PLAGL2: variants seen among roughly 807,000 people sequenced by gnomAD.
The protein encoded by PLAGL2 is zinc finger protein PLAGL2.
PLAGL2 carries 7 observed loss-of-function variants against 29.0 expected under a neutral mutation model. That is an observed-to-expected ratio of 0.24 (90% CI 0.14 to 0.45). The LOEUF (loss-of-function observed/expected upper bound fraction) is 0.45. PLAGL2 is among the 20% of genes least tolerant of loss of function. The probability of loss-of-function intolerance (pLI) is 0.99; values close to 1 mark genes in which losing one functional copy is unlikely to be tolerated. For synonymous variants in PLAGL2, 234 were observed against 266.0 expected (o/e 0.88, Z 1.17); for missense variants, 454 against 648.2 (o/e 0.70, Z 3.25).
chr20:32,201,820 C>A (rs1277259344), intron 2 of PLAGL2, 99 bp downstream of exon 2: 3 of 992,306 alleles, frequency 3.0e-6, no homozygotes, highest in African/African-American at 3.2e-5. Context: ...TTAACCTCCA[C>A]TCTTCTGCCA....
chr20:32,197,096 C>G lies in PLAGL2; in HGVS notation c.847G>C (p.Val283Leu). ...CCAGGGAAGGCCTTGGTCCCCATTA[C>G]GTCCCGAGAGGCCATGCACAGCACA... The part of the protein sequence containing the change: ...SPVLCMASRD[V>L]MGTKAFPGML... Residue 283 changes from valine (V) to leucine (L), a missense_variant, in exon 3 of 3, where the codon GTA (valine) becomes CTA (leucine). By Grantham distance (32) the Val-to-Leu change is conservative (BLOSUM62 1). Transcript: ENST00000246229. The surrounding 1 kb of genome is among the most constrained non-coding windows in gnomAD (Gnocchi z 6.6). The G allele has an allele frequency of 6.2e-7, 1 of 1,614,200 alleles. No individual in the cohort carries two copies. The highest frequency in any genetic ancestry group is 8.5e-7 in the Non-Finnish European group (1 of 1,180,026).
rs2047226518 is a variant in PLAGL2, at chr20:32,196,144, G to C, written c.*308C>G. 4.8e-6 allele frequency: 1 copy of C among 206,436 alleles called. No homozygotes were observed. The highest frequency in any genetic ancestry group is 9.5e-6 in the Non-Finnish European group (1 of 104,770). 12.8% of individuals were successfully genotyped at this position (206,436 alleles called of 1,614,324 possible). On this transcript the variant is annotated 3_prime_UTR_variant, in exon 3 of 3. Transcript: ENST00000246229. The stretch of plus-strand genomic sequence containing the variant: ...GGCCTCCCCATTCTCCAAAGAGAAG[G>C]AGGTTCTGGCGCTTTGGAGAGGAAG...
chr20:32,197,749 A>G lies in PLAGL2; in HGVS notation c.261-67T>C. 1 of 1,346,728 alleles carries G rather than the reference A, an allele frequency of 7.4e-7. No homozygotes were observed. The highest frequency in any genetic ancestry group is 2.0e-5 in the Admixed American group (1 of 49,712). The allele number at this position is 1,346,728 out of a possible 1,614,324, so 83.4% of individuals were successfully genotyped here. On this transcript the variant is annotated intron_variant, in intron 2 of 2. Transcript: ENST00000246229. This position sits in a 1 kb window ranked among gnomAD's most constrained non-coding sequence, Gnocchi z 6.6. ...GGGAGATCACAAGGGATGACTGGAC[A>G]ACCAAAGGTGTCCATTAACAGGAAA...
rs1341476064 is a variant in PLAGL2, at chr20:32,193,561, AT to A, written c.*2890del. 2 of 152,296 alleles carry A rather than the reference AT, an allele frequency of 1.3e-5. No individual in the cohort carries two copies. The highest frequency in any genetic ancestry group is 1.5e-5 in the Non-Finnish European group (1 of 68,172). 9.4% of individuals were successfully genotyped at this position (152,296 alleles called of 1,614,324 possible). On this transcript the variant is annotated 3_prime_UTR_variant, in exon 3 of 3. Transcript: ENST00000246229. ...GTGTAGGGTGGGAGGGGGACAGCTC[AT>A]TGCTGGCAGAGGCTGGAGGTGGCAG...
Position 32,202,275 on chromosome 20 carries a change from AG to A in PLAGL2, c.-98del. 1 of 1,262,378 alleles carries A rather than the reference AG, an allele frequency of 7.9e-7. No individual in the cohort carries two copies. The highest frequency in any genetic ancestry group is 1.1e-6 in the Non-Finnish European group (1 of 895,186). The allele number at this position is 1,262,378 out of a possible 1,614,324, so 78.2% of individuals were successfully genotyped here. A position where few individuals can be genotyped will look rare whatever the true frequency, so the allele number is the denominator to read the frequency against. On this transcript the variant is annotated 5_prime_UTR_variant, in exon 2 of 3. An upstream open reading frame in the 5' UTR loses its in-frame stop. Coordinates refer to ENST00000246229, the MANE Select transcript of PLAGL2 (RefSeq NM_002657.3). ...TGTCACAGCCTCCAACGCAGCTTTC[AG>A]AAAACAATCTCTTCACCTGAAACAT...
At position 32,196,582 on chromosome 20, in the gene PLAGL2, T is replaced by C; in HGVS notation, c.1361A>G (p.Gln454Arg). 6.5e-7 allele frequency: 1 copy of C among 1,543,130 alleles called. No individual in the cohort carries two copies. Among genetic ancestry groups the C allele is most frequent in the East Asian group, 2.2e-5 (1 of 44,490 alleles). ...AEAQPLLTTLQAQPQDSPGAG... is the reference protein window; with the variant it reads ...AEAQPLLTTLRAQPQDSPGAG... Reference sequence around the variant, plus strand: ...TCCTGGGGAATCTTGAGGCTGAGCTTGCAAAGTGGTAAGCAGGGGCTGTGC... The same window carrying C: ...TCCTGGGGAATCTTGAGGCTGAGCTCGCAAAGTGGTAAGCAGGGGCTGTGC... Residue 454 changes from glutamine to arginine, a missense_variant, in exon 3 of 3, where the codon CAA becomes CGA. This residue lies in a region of PLAGL2 where 247 missense variants were observed against 350.3 expected (regional missense o/e 0.71). Transcript: ENST00000246229.
At position 32,197,153 on chromosome 20, in the gene PLAGL2, A is replaced by G. The variant is rs138589727; in HGVS notation, c.790T>C (p.Ser264Pro). 3.1e-6 allele frequency: 5 copies of G among 1,614,062 alleles called. No individual in the cohort carries two copies. The highest frequency in any genetic ancestry group is 4.2e-6 in the Non-Finnish European group (5 of 1,180,026). Residue 264 changes from serine (S) to proline (P), a missense_variant, in exon 3 of 3, where the codon TCC becomes CCC. Ser to Pro is a moderately conservative substitution (Grantham distance 74). Around this residue, in one of 4 missense-constraint regions of PLAGL2, gnomAD observed 247 missense variants for 350.3 expected, o/e 0.71. Coordinates refer to ENST00000246229, the MANE Select transcript of PLAGL2 (RefSeq NM_002657.3). The surrounding 1 kb of genome is among the most constrained non-coding windows in gnomAD (Gnocchi z 6.6). ...VDMLGLLSCS[S>P]TVSVKEELSP... is the part of the protein sequence containing the mutation. The stretch of plus-strand genomic sequence containing the variant: ...AGCTCTTCCTTCACACTGACTGTGG[A>G]GCTGCAGCTGAGTAGGCCTAACATG...
chr20:32,202,364 C>G (rs1159122619), intron 1 of PLAGL2, 72 bp from the exon 2 acceptor site: 30 of 609,926 alleles, frequency 4.9e-5, no homozygotes, highest in East Asian at 2.8e-5. Context: ...GCAGACAGAT[C>G]CCGTTCCAAT....
rs374989039 is a variant in PLAGL2 at position 32,197,636 on chromosome 20, A to G, written c.307T>C (p.Cys103Arg). The change falls in exon 3 of 3, where the codon TGT (cysteine) becomes CGT (arginine). Residue 103 changes from cysteine to arginine, a missense_variant. Coordinates refer to ENST00000246229, the MANE Select transcript of PLAGL2 (RefSeq NM_002657.3). This position sits in a 1 kb window ranked among gnomAD's most constrained non-coding sequence, Gnocchi z 6.6. ...SAQKPHQCMY[C>R]DKMFHRKDHL... ...TCCTTGCGGTGAAACATCTTATCAC[A>G]GTACATACACTGGTGGGGTTTCTGG... is the stretch of plus-strand genomic sequence containing the variant. 3.1e-6 allele frequency: 5 copies of G among 1,614,064 alleles called. No homozygotes were observed. Among genetic ancestry groups the G allele is most frequent in the Non-Finnish European group, 3.4e-6 (4 of 1,180,024 alleles).
rs2047236565 is a variant in PLAGL2, at chr20:32,197,488, C to T, written c.455G>A (p.Ser152Asn). The change falls in exon 3 of 3, where the codon AGC becomes AAC. Residue 152 changes from serine to asparagine, a missense_variant. By Grantham distance (46) the Ser-to-Asn change is conservative. Coordinates refer to ENST00000246229, the MANE Select transcript of PLAGL2 (RefSeq NM_002657.3). This position sits in a 1 kb window ranked among gnomAD's most constrained non-coding sequence, Gnocchi z 6.6. ...CACCTTGCAGCTGAGGTCACCGCTG[C>T]TGGCAGCATGCATGGCCAGGTGGCG... Reference protein sequence around the residue: ...YRRHLAMHAASSGDLSCKVCL... With the variant: ...YRRHLAMHAANSGDLSCKVCL... The T allele has an allele frequency of 6.2e-7, 1 of 1,613,854 alleles. No individual in the cohort carries two copies. Among genetic ancestry groups the T allele is most frequent in the Non-Finnish European group, 8.5e-7 (1 of 1,180,038 alleles).
At chr20:32,201,286 T>A (rs1391187542) in intron 2 of PLAGL2, among the ~76,000 whole-genome samples, 2 of 151,526 alleles carry the variant, frequency 1.3e-5, no homozygotes, top group Non-Finnish European at 2.9e-5. Context: ...AAGCAATATT[T>A]AAAAAAAAAT....
Position 32,202,171 on chromosome 20 carries a change from G to T in PLAGL2, c.8C>A (p.Thr3Lys). 1.2e-6 allele frequency: 2 copies of T among 1,614,110 alleles called. No individual in the cohort carries two copies. Among genetic ancestry groups the T allele is most frequent in the Non-Finnish European group, 1.7e-6 (2 of 1,180,016 alleles). Residue 3 changes from threonine to lysine, a missense_variant, in exon 2 of 3, where the codon ACA becomes AAA. This residue lies in a region of PLAGL2 where 89 missense variants were observed against 90.4 expected (regional missense o/e 0.98). Coordinates refer to ENST00000246229, the MANE Select transcript of PLAGL2 (RefSeq NM_002657.3). ...CCAGGGGGGGACGCTGGTGAAAAATGTGGTCATGGCAAGGCTAATGGCAAA... is the reference window on the plus strand; with the variant it reads ...CCAGGGGGGGACGCTGGTGAAAAATTTGGTCATGGCAAGGCTAATGGCAAA... Reference protein sequence around the residue: MTTFFTSVPPWIQ... With the variant: MTKFFTSVPPWIQ...
chr20:32,207,692 C>T lies in PLAGL2; in HGVS notation c.-166G>A. On this transcript the variant is annotated 5_prime_UTR_variant, in exon 1 of 3. Coordinates refer to ENST00000246229, the MANE Select transcript of PLAGL2 (RefSeq NM_002657.3). The stretch of plus-strand genomic sequence containing the variant: ...CGGGCCGCGCTCGGGCTCCGCCAGG[C>T]CCCCTCAGGCCCCGGTAGTGGCGGC... 4.0e-6 allele frequency: 1 copy of T among 249,378 alleles called. No individual in the cohort carries two copies. Among genetic ancestry groups the T allele is most frequent in the Non-Finnish European group, 7.1e-6 (1 of 140,746 alleles). 15.4% of individuals were successfully genotyped at this position (249,378 alleles called of 1,614,324 possible).
Position 32,197,694 on chromosome 20 carries a change from G to C in PLAGL2, c.261-12C>G. 1 of 1,610,194 alleles carries C rather than the reference G, an allele frequency of 6.2e-7. No homozygotes were observed. The highest frequency in any genetic ancestry group is 8.5e-7 in the Non-Finnish European group (1 of 1,177,098). On this transcript the variant is annotated splice_polypyrimidine_tract_variant and intron_variant, in intron 2 of 2. Coordinates refer to ENST00000246229, the MANE Select transcript of PLAGL2 (RefSeq NM_002657.3). This position sits in a 1 kb window ranked among gnomAD's most constrained non-coding sequence, Gnocchi z 6.6. ...GGGTGGCCATGTGCCTGGGGGTAGAGACAGGGGATAGGGGAGAAAGCAGAA... is the reference window on the plus strand; with the variant it reads ...GGGTGGCCATGTGCCTGGGGGTAGACACAGGGGATAGGGGAGAAAGCAGAA...
chr20:32,198,988 G>A (rs2047244517), intron 2 of PLAGL2, among the ~76,000 whole-genome samples: 1 of 152,152 alleles, frequency 6.6e-6, no homozygotes, highest in African/African-American at 2.4e-5. Flanking sequence ...GTTGAAAAGT[G>A]GCTCAGAATC....
In PLAGL2 at chr20:32,201,959, G is replaced by A. The variant is rs531703679; in HGVS notation, c.220C>T (p.His74Tyr). ...EQRPYSCPQL[H>Y]CGKAFASKYK... ...TTGGAAGCAAAAGCCTTGCCACAGT[G>A]CAGCTGAGGGCAGCTATATGGTCTC... Residue 74 changes from histidine to tyrosine, a missense_variant, in exon 2 of 3, where the codon CAC (histidine) becomes TAC (tyrosine). By Grantham distance (83) the His-to-Tyr change is moderately conservative. Coordinates refer to ENST00000246229, the MANE Select transcript of PLAGL2 (RefSeq NM_002657.3). 2.1e-5 allele frequency: 34 copies of A among 1,613,906 alleles called. 1 individual carries two copies. In the South Asian group the frequency reaches 3.4e-4, roughly 16 times the overall value.
rs1291125594 is a variant in PLAGL2, at chr20:32,195,816, C to CT, written c.*635dup. ...GTAAACAGTGTTCACTGCAATCACT[C>CT]TAAGGCTAACAGCTTGGCAAGGGAG... On this transcript the variant is annotated 3_prime_UTR_variant, in exon 3 of 3. Transcript: ENST00000246229. The CT allele has an allele frequency of 6.5e-6, 1 of 152,800 alleles. No individual in the cohort carries two copies. Among genetic ancestry groups the CT allele is most frequent in the African/African-American group, 2.4e-5 (1 of 41,466 alleles). 9.5% of individuals were successfully genotyped at this position (152,800 alleles called of 1,614,324 possible).
rs1434641277 is a variant in PLAGL2, at chr20:32,202,045, G to A, written c.134C>T (p.Ser45Leu). The A allele has an allele frequency of 1.3e-5, 21 of 1,614,072 alleles. No homozygotes were observed. Among genetic ancestry groups the A allele is most frequent in the African/African-American group, 4.0e-5 (3 of 74,918 alleles). ...CTCCCCATTTGAGAAAGGTGTTCCC[G>A]AAATTTCACATTGGCACTTCACTTG... ...ESQVKCQCEI[S>L]GTPFSNGEKL... The change falls in exon 2 of 3, where the codon TCG becomes TTG. Residue 45 changes from serine (S) to leucine (L), a missense_variant. By Grantham distance (145) the Ser-to-Leu change is moderately radical. Transcript: ENST00000246229.
chr20:32,203,496 C>T (rs936616643), intron 1 of PLAGL2, among the ~76,000 whole-genome samples: 5 of 152,188 alleles, frequency 3.3e-5, no homozygotes, highest in Admixed American at 6.5e-5. Context: ...TTACCAACCA[C>T]GATGCAACCT....
Sources: gnomAD v4.1 joint callset for allele counts (sites outside exome capture counted in the v4.1 genomes callset) on GRCh38, gnomAD v4.1.1 for gene constraint, gnomAD v4.1.1 regional missense constraint, Gnocchi (gnomAD v3.1) non-coding constraint, MANE v1.5 for transcripts, NCBI Gene and HGNC (gene_info 2026-07-23, HGNC 2026-07-21) for gene names.